The following CGGBP1 variants were observed in gnomAD, a reference collection of about 807,000 sequenced individuals.
The protein encoded by CGGBP1 is CGG triplet repeat binding protein 1, also known as CGG triplet repeat-binding protein 1.
CGGBP1 carries 4 observed loss-of-function variants against 11.4 expected under a neutral mutation model. That is an observed-to-expected ratio of 0.35 (90% CI 0.17 to 0.80). The LOEUF is 0.80. CGGBP1 is among the 30% of genes least tolerant of loss of function. The pLI is 0.52. For missense variants in CGGBP1, 135 were observed against 202.1 expected, an observed-to-expected ratio of 0.67 and a Z score of 2.01; for synonymous variants, 76 against 74.1, an observed-to-expected ratio of 1.03 and a Z score of -0.13.
chr3:88,061,353 T>C (rs113174250), upstream of CGGBP1, among the ~76,000 whole-genome samples: 63 of 152,296 alleles, frequency 4.1e-4, no homozygotes, highest in Middle Eastern at 3.4e-3. Context: ...ACAAATGAAG[T>C]TGACTACTTT....
At chr3:88,127,250 C>T (rs2107826631) in intron 2 of CGGBP1, among the ~76,000 whole-genome samples, 1 of 152,152 alleles carries the variant, frequency 6.6e-6, no homozygotes, top group South Asian at 2.1e-4. Flanking sequence ...TTTTGTTGAG[C>T]AGGTTATTTC....
At chr3:88,129,069 A>G in intron 2 of CGGBP1, 2 of 1,244,010 alleles carry the variant, frequency 1.6e-6, no homozygotes, top group Non-Finnish European at 2.2e-6. Flanking sequence ...AAAAAAACCA[A>G]AAAAAAAAAG....
chr3:88,128,921 T>A, intron 2 of CGGBP1: 2 of 1,535,612 alleles, frequency 1.3e-6, no homozygotes, highest in Middle Eastern at 1.7e-4. Flanking sequence ...CTTGTATAAA[T>A]CACCCAGAAA....
chr3:88,095,899 G>A, intron 2 of CGGBP1: 1 of 425,644 alleles, frequency 2.3e-6, no homozygotes, highest in South Asian at 1.9e-5. Flanking sequence ...TGCCTGTCTA[G>A]CACCTTCTCC....
intron 2 of CGGBP1, among the ~76,000 whole-genome samples, chr3:88,130,138 G>C (rs888953343): frequency 6.6e-6 from 1 of 152,088 alleles, no homozygotes; most frequent in Non-Finnish European, 1.5e-5. Flanking sequence ...GAAGCAGCAG[G>C]TTTACCTAGC....
chr3:88,136,033 A>G (rs1169957867), intron 2 of CGGBP1, among the ~76,000 whole-genome samples: 1 of 152,162 alleles, frequency 6.6e-6, no homozygotes, highest in African/African-American at 2.4e-5. Flanking sequence ...CGCTAACTGC[A>G]TTTATGGTAT....
At chr3:88,059,491 C>G, upstream of CGGBP1, 3 of 1,497,204 alleles carry the variant, frequency 2.0e-6, no homozygotes, top group Non-Finnish European at 2.7e-6. Flanking sequence ...GGATTACTGC[C>G]GACGCTTCTG....
intron 2 of CGGBP1, among the ~76,000 whole-genome samples, chr3:88,096,912 C>A (rs1461010321): frequency 6.6e-6 from 1 of 152,048 alleles, no homozygotes; most frequent in Non-Finnish European, 1.5e-5. Flanking sequence ...CTCATATTAT[C>A]ATTTTAGACA....
At chr3:88,101,594 T>C (rs1173556047) in intron 2 of CGGBP1, among the ~76,000 whole-genome samples, 8 of 152,160 alleles carry the variant, frequency 5.3e-5, no homozygotes, top group Non-Finnish European at 1.2e-4. Flanking sequence ...CATTCAGCAA[T>C]TGATGGCTAT....
chr3:88,070,373 C>T lies in CGGBP1; in HGVS notation c.-228-12150G>A, dbSNP rs73844849. The stretch of plus-strand genomic sequence containing the variant: ...TAAAAAATGATCTTTTCAGTGTCCA[C>T]GTAATGATTGAGGTAAAGTTTTATT... On this transcript the variant is annotated intron_variant, in intron 2 of 3. Transcript: ENST00000462901. Among the ~76,000 whole-genome samples the T allele has an allele frequency of 3.0e-3, 462 of 151,622 alleles. 3 individuals carry two copies. Among genetic ancestry groups the T allele is most frequent in the African/African-American group, 0.011 (443 of 41,380 alleles).
chr3:88,098,567 A>C (rs1704205601), intron 2 of CGGBP1, among the ~76,000 whole-genome samples: 1 of 152,210 alleles, frequency 6.6e-6, no homozygotes, highest in South Asian at 2.1e-4. Context: ...ATGAACATTG[A>C]TGCAAAAATC....
chr3:88,100,165 G>T (rs1372582118), intron 2 of CGGBP1, among the ~76,000 whole-genome samples: 1 of 152,072 alleles, frequency 6.6e-6, no homozygotes, highest in Non-Finnish European at 1.5e-5. Flanking sequence ...GTGGGTGCCG[G>T]ATATGAACAG....
At chr3:88,070,342 C>T (rs996862868) in intron 2 of CGGBP1, among the ~76,000 whole-genome samples, 35 of 151,806 alleles carry the variant, frequency 2.3e-4, no homozygotes, top group Admixed American at 2.1e-3. Flanking sequence ...AAATTTTATG[C>T]AGCCATAAAA....
chr3:88,065,009 T>A (rs1707113086), intron 2 of CGGBP1, among the ~76,000 whole-genome samples: 1 of 152,260 alleles, frequency 6.6e-6, no homozygotes, highest in African/African-American at 2.4e-5. Context: ...GATAATTTTT[T>A]AATTGCATTG....
At chr3:88,068,772 T>G (rs995190573) in intron 2 of CGGBP1, among the ~76,000 whole-genome samples, 4 of 152,202 alleles carry the variant, frequency 2.6e-5, no homozygotes, top group African/African-American at 9.6e-5. Context: ...ATTCTCATTT[T>G]TATAGGTCAG....
In CGGBP1 at chr3:88,056,242, G is replaced by C. The variant is rs1429013667; in HGVS notation, c.-23-243C>G. 1.2e-5 allele frequency: 4 copies of C among 339,446 alleles called. No homozygotes were observed. In the East Asian group the frequency reaches 2.0e-4, roughly 17 times the overall value. The allele number at this position is 339,446 out of a possible 1,614,324, so 21.0% of individuals were successfully genotyped here. On this transcript the variant is annotated intron_variant, in intron 3 of 3. Coordinates refer to ENST00000482016, the MANE Select transcript of CGGBP1 (RefSeq NM_001008390.2). ...ATTTTTACGAAATTCAAGTAAATTAGACTATAAAGAAAGAACTCAAACTAT... is the reference window on the plus strand; with the variant it reads ...ATTTTTACGAAATTCAAGTAAATTACACTATAAAGAAAGAACTCAAACTAT...
At chr3:88,144,730 A>G (rs1460674579) in intron 1 of CGGBP1, 2 of 152,538 alleles carry the variant, frequency 1.3e-5, no homozygotes, top group African/African-American at 4.8e-5. Context: ...ATATTAAATG[A>G]AAATGTCTAT....
At chr3:88,142,685 TAGG>T (rs1262282874) in intron 1 of CGGBP1, 4 of 152,410 alleles carry the variant, frequency 2.6e-5, no homozygotes, top group Non-Finnish European at 4.4e-5. Context: ...TTTATTCTAT[TAGG>T]AGAGGTAATT....
chr3:88,139,598 T>C, intron 2 of CGGBP1: 1 of 1,613,772 alleles, frequency 6.2e-7, no homozygotes, highest in Non-Finnish European at 8.5e-7. Context: ...TGGAGACACT[T>C]ACTGCTTCTA....
Sources: allele counts gnomAD v4.1 joint callset (sites outside exome capture counted in the v4.1 genomes callset), GRCh38; gene constraint gnomAD v4.1.1; transcripts MANE v1.5; gene names NCBI Gene and HGNC (gene_info 2026-07-23, HGNC 2026-07-21).